The following TMEM131 variants were observed in gnomAD, a reference collection of about 807,000 sequenced individuals.
TMEM131 encodes the protein 2610524E03Rik.
Under a neutral mutation model 211.6 loss-of-function variants are expected in TMEM131, and 66 were observed. That is an observed-to-expected ratio of 0.31 (90% CI 0.26 to 0.38). The LOEUF (loss-of-function observed/expected upper bound fraction) is 0.38, where lower values mean the gene tolerates loss of function less well. Among genes scored for constraint, TMEM131 ranks in the 10% least tolerant of loss-of-function variants. The pLI is 1.00. For missense variants in TMEM131, 2,036 were observed against 2,299.3 expected (o/e 0.89, Z 2.34); for synonymous variants, 844 against 841.3 (o/e 1.00, Z -0.06).
chr2:97,797,222 C>T (rs930062511), intron 26 of TMEM131, 143 bp downstream of exon 26: 34 of 881,900 alleles, frequency 3.9e-5, no homozygotes, highest in Non-Finnish European at 5.8e-5. Flanking sequence ...AGGTATGTTT[C>T]ATCAGGCATG....
At chr2:97,941,631 A>G (rs1018639262) in intron 1 of TMEM131, among the ~76,000 whole-genome samples, 1 of 152,222 alleles carries the variant, frequency 6.6e-6, no homozygotes, top group Non-Finnish European at 1.5e-5. Context: ...TTTACAAGGA[A>G]AAATCAAACA....
chr2:97,795,824 C>T (rs1391020944), intron 28 of TMEM131, among the ~76,000 whole-genome samples: 4 of 152,210 alleles, frequency 2.6e-5, no homozygotes, highest in Middle Eastern at 3.4e-3. Flanking sequence ...TATTACATAT[C>T]CGTATACTGC....
intron 2 of TMEM131, among the ~76,000 whole-genome samples, chr2:97,914,300 T>C (rs1266649703): frequency 1.3e-5 from 2 of 152,224 alleles, no homozygotes; most frequent in African/African-American, 4.8e-5. Context: ...TTCCCCACTG[T>C]ATCATTCTGC....
In TMEM131 at chr2:97,757,067, G is replaced by A. The variant is rs927894901; in HGVS notation, c.*32C>T. On this transcript the variant is annotated 3_prime_UTR_variant, in exon 41 of 41. Transcript: ENST00000186436. Reference sequence around the variant, plus strand: ...ACTGGCACATCATGATCTAGACGAGGGCCCACTATGTTTGTTTGTTTTTTG... The same window carrying A: ...ACTGGCACATCATGATCTAGACGAGAGCCCACTATGTTTGTTTGTTTTTTG... 1 of 1,550,096 alleles carries A rather than the reference G, an allele frequency of 6.5e-7. No homozygotes were observed. Among genetic ancestry groups the A allele is most frequent in the Non-Finnish European group, 8.7e-7 (1 of 1,145,158 alleles).
At chr2:97,862,034 G>C (rs1420712448) in intron 4 of TMEM131, among the ~76,000 whole-genome samples, 1 of 152,216 alleles carries the variant, frequency 6.6e-6, no homozygotes, top group African/African-American at 2.4e-5. Flanking sequence ...CACAGAGAGA[G>C]AGAGACTGTT....
At chr2:97,960,905 A>G (rs945136432) in intron 1 of TMEM131, among the ~76,000 whole-genome samples, 7 of 152,172 alleles carry the variant, frequency 4.6e-5, no homozygotes, top group Non-Finnish European at 8.8e-5. Flanking sequence ...TTACCATATT[A>G]ACATTCTAAA....
intron 4 of TMEM131, among the ~76,000 whole-genome samples, chr2:97,880,258 G>GTA (rs1674871614): frequency 6.6e-6 from 1 of 152,068 alleles, no homozygotes; most frequent in South Asian, 2.1e-4. Flanking sequence ...TATAAGGAAG[G>GTA]TAAAAAGGCA....
chr2:97,979,981 A>G (rs549278193), intron 1 of TMEM131, among the ~76,000 whole-genome samples: 13 of 152,286 alleles, frequency 8.5e-5, no homozygotes, highest in African/African-American at 3.1e-4. Context: ...ATTTAGTACT[A>G]CTAATTGTCC....
chr2:97,926,309 C>T (rs766151558), intron 2 of TMEM131, among the ~76,000 whole-genome samples: 9 of 152,122 alleles, frequency 5.9e-5, no homozygotes, highest in Non-Finnish European at 1.2e-4. Flanking sequence ...GCTACATGTA[C>T]ATTTTTCTGT....
At chr2:97,982,309 A>G (rs1679833465) in intron 1 of TMEM131, among the ~76,000 whole-genome samples, 1 of 152,118 alleles carries the variant, frequency 6.6e-6, no homozygotes, top group African/African-American at 2.4e-5. Context: ...CGTTTATTAT[A>G]TATCTTTATT....
chr2:97,772,538 G>A (rs959084923), intron 32 of TMEM131, 114 bp from the exon 33 acceptor site: 21 of 1,206,136 alleles, frequency 1.7e-5, no homozygotes, highest in African/African-American at 4.7e-5. Flanking sequence ...CATCATATAC[G>A]TAAAAACAAA....
intron 3 of TMEM131, among the ~76,000 whole-genome samples, chr2:97,903,804 C>T (rs939582403): frequency 2.6e-5 from 4 of 152,094 alleles, no homozygotes; most frequent in African/African-American, 9.7e-5. Flanking sequence ...CTGTCACAGC[C>T]TCCTGAGTAG....
chr2:97,795,763 T>A (rs2104900467), intron 28 of TMEM131, among the ~76,000 whole-genome samples: 1 of 152,322 alleles, frequency 6.6e-6, no homozygotes, highest in African/African-American at 2.4e-5. Flanking sequence ...ATTGTTAAAA[T>A]ATGCTGCAGC....
At chr2:97,945,610 A>G (rs1359196704) in intron 1 of TMEM131, among the ~76,000 whole-genome samples, 1 of 152,144 alleles carries the variant, frequency 6.6e-6, no homozygotes, top group East Asian at 1.9e-4. Context: ...CTTTAAGCTT[A>G]TAGTTCTTTC....
chr2:97,958,632 A>C (rs534691822), intron 1 of TMEM131, among the ~76,000 whole-genome samples: 1 of 152,334 alleles, frequency 6.6e-6, no homozygotes, highest in South Asian at 2.1e-4. Flanking sequence ...CTGGTGATTT[A>C]AATGCCTGTT....
chr2:97,970,775 T>C (rs1234501230), intron 1 of TMEM131, among the ~76,000 whole-genome samples: 2 of 152,094 alleles, frequency 1.3e-5, no homozygotes, highest in Non-Finnish European at 2.9e-5. Flanking sequence ...TGGTCTGCCA[T>C]GCTGGACATA....
rs1265791465 is a variant in TMEM131, at chr2:97,796,840, T to A, written c.3013+4A>T. ...GTGTCCTTGAAACTGTTAGGAAGAC[T>A]TACTATCTGTACAATCTTTTAACAA... On this transcript the variant is annotated splice_donor_region_variant and intron_variant, in intron 27 of 40. Transcript: ENST00000186436. 6.2e-7 allele frequency: 1 copy of A among 1,612,346 alleles called. No homozygotes were observed. Among genetic ancestry groups the A allele is most frequent in the Admixed American group, 1.7e-5 (1 of 59,658 alleles).
chr2:97,839,389 G>A (rs575457705), intron 7 of TMEM131, among the ~76,000 whole-genome samples: 6 of 152,020 alleles, frequency 3.9e-5, no homozygotes, highest in East Asian at 1.9e-4. Flanking sequence ...TTAAAAAGTC[G>A]CCTACTGATA....
intron 32 of TMEM131, 144 bp from the exon 33 acceptor site, chr2:97,772,568 C>A: frequency 9.8e-7 from 1 of 1,017,896 alleles, no homozygotes; most frequent in Non-Finnish European, 1.4e-6. Context: ...TCAAATCTGT[C>A]TTCACTGCGG....
Sources: gnomAD v4.1 joint callset for allele counts (sites outside exome capture counted in the v4.1 genomes callset) on GRCh38, gnomAD v4.1.1 for gene constraint, MANE v1.5 for transcripts, NCBI Gene and HGNC (gene_info 2026-07-23, HGNC 2026-07-21) for gene names.